Variants in PFKFB3 observed in about 807,000 individuals in gnomAD.
PFKFB3 encodes 6-phosphofructo-2-kinase/fructose-2,6-bisphosphatase 3.
A neutral mutation model predicts 68.0 loss-of-function variants in PFKFB3; 33 were observed. The observed-to-expected ratio is 0.49, with a 90% CI of 0.37 to 0.65. PFKFB3 has a LOEUF of 0.65. PFKFB3 is among the 30% of genes least tolerant of loss of function. The pLI is 0.00. For synonymous variants in PFKFB3, 315 were observed against 288.2 expected (o/e 1.09, Z -0.94); for missense variants, 586 against 712.2 (o/e 0.82, Z 2.02).
At position 6,241,672 on chromosome 10, in the gene PFKFB3, C is replaced by T. The variant is rs11257514; in HGVS notation, c.1516-12506C>T. On this transcript the variant is annotated intron_variant, in intron 14 of 14. Coordinates refer to the PFKFB3 transcript ENST00000640683. ...CATAGTGAGACCCCATCTCAACATACAAAAACTACCAGTGAAGGAGATACT... is the reference window on the plus strand; with the variant it reads ...CATAGTGAGACCCCATCTCAACATATAAAAACTACCAGTGAAGGAGATACT... 4.5e-3 allele frequency among the ~76,000 whole-genome samples: 679 copies of T among 152,254 alleles called. 2 individuals are homozygous for T. Among genetic ancestry groups the T allele is most frequent in the Non-Finnish European group, 8.0e-3 (544 of 68,020 alleles).
In PFKFB3 at chr10:6,254,128, T is replaced by G. The variant is rs1588572777; in HGVS notation, c.1516-50T>G. 1.5e-5 allele frequency: 6 copies of G among 395,100 alleles called. No homozygotes were observed. In the East Asian group the frequency reaches 2.2e-4, roughly 14 times the overall value. The allele number at this position is 395,100 out of a possible 1,614,324, so 24.5% of individuals were successfully genotyped here. A position where few individuals can be genotyped will look rare whatever the true frequency, so the allele number is the denominator to read the frequency against. On this transcript the variant is annotated intron_variant, in intron 14 of 14. Transcript: ENST00000640683. ...TTTTTTTTTTTTTCTCTTTAGCCCT[T>G]TCTGAGGTATCCACTCAATCTAATC... is the stretch of plus-strand genomic sequence containing the variant.
At chr10:6,236,069 A>T (rs1846004394), downstream of PFKFB3, among the ~76,000 whole-genome samples, 1 of 152,006 alleles carries the variant, frequency 6.6e-6, no homozygotes, top group African/African-American at 2.4e-5. Flanking sequence ...GCCTGGCCCC[A>T]CGTCGGTTTT....
At chr10:6,319,585 C>T in the PFKFB3 span, among the ~76,000 whole-genome samples, 2 of 151,886 alleles carry the variant, frequency 1.3e-5, no homozygotes, top group Non-Finnish European at 2.9e-5. Context: ...CCCTAACAGC[C>T]CAGACTTCAC....
intron 4 of PFKFB3, 81 bp downstream of exon 4, chr10:6,216,272 C>G (rs559720198): frequency 7.7e-7 from 1 of 1,304,382 alleles, no homozygotes; most frequent in African/African-American, 1.5e-5. Context: ...GTACCGAGAC[C>G]TGTGCCTCTG....
the PFKFB3 span, among the ~76,000 whole-genome samples, chr10:6,290,512 T>C: frequency 8.6e-5 from 13 of 151,354 alleles, no homozygotes; most frequent in African/African-American, 2.9e-4. Context: ...TTTTTTTTTT[T>C]TTTTGAGACA....
intron 5 of PFKFB3, 120 bp downstream of exon 5, chr10:6,216,900 G>A (rs917092517): frequency 3.9e-5 from 33 of 843,210 alleles, no homozygotes; most frequent in Non-Finnish European, 6.4e-5. Context: ...AGTCCTGCTC[G>A]GTCCCTCCCC....
chr10:6,232,762 C>G (rs1845823801), intron 14 of PFKFB3, 133 bp from the exon 15 acceptor site: 1 of 750,936 alleles, frequency 1.3e-6, no homozygotes, highest in African/African-American at 1.7e-5. Flanking sequence ...CAGCACCTTT[C>G]TTGGATCATG....
At chr10:6,222,786 G>C in intron 10 of PFKFB3, 69 bp from the exon 11 acceptor site, 1 of 1,533,456 alleles carries the variant, frequency 6.5e-7, no homozygotes, top group Non-Finnish European at 8.8e-7. Flanking sequence ...GTCTGATGCA[G>C]TCTGTGGCCA....
downstream of PFKFB3, among the ~76,000 whole-genome samples, chr10:6,255,036 C>T (rs1245887723): frequency 6.6e-6 from 1 of 151,494 alleles, no homozygotes; most frequent in Non-Finnish European, 1.5e-5. Flanking sequence ...AGGCTGGTCT[C>T]GAACTCCTGA....
At chr10:6,253,049 C>G (rs1024112764) in intron 14 of PFKFB3, among the ~76,000 whole-genome samples, 5 of 152,172 alleles carry the variant, frequency 3.3e-5, no homozygotes, top group Non-Finnish European at 5.9e-5. Flanking sequence ...TCCTGAGTAG[C>G]TGGGATTACA....
chr10:6,281,746 A>G, the PFKFB3 span, among the ~76,000 whole-genome samples: 5 of 152,148 alleles, frequency 3.3e-5, no homozygotes, highest in East Asian at 3.9e-4. Flanking sequence ...CTCTGTCTCT[A>G]TTACTTGGCA....
chr10:6,247,519 G>A (rs1281970973), intron 14 of PFKFB3, among the ~76,000 whole-genome samples: 1 of 152,180 alleles, frequency 6.6e-6, no homozygotes, highest in Non-Finnish European at 1.5e-5. Flanking sequence ...ACATCCAATC[G>A]GTTCAAGAGT....
chr10:6,224,580 A>C (rs1021877397), intron 13 of PFKFB3: 19 of 435,100 alleles, frequency 4.4e-5, no homozygotes, highest in Non-Finnish European at 8.3e-5. Flanking sequence ...TCCTGGGTTC[A>C]AGTGATCCTC....
intron 1 of PFKFB3, among the ~76,000 whole-genome samples, chr10:6,189,232 A>C (rs1308398695): frequency 6.6e-6 from 1 of 152,030 alleles, no homozygotes; most frequent in Admixed American, 6.6e-5. Context: ...TGGTTGCTTT[A>C]CCTGTTTGCT....
In PFKFB3 at chr10:6,203,310, T is replaced by C. The variant is rs1355997504; in HGVS notation, c.50T>C (p.Val17Ala). ...QSRVQKIWVP[V>A]DHRPSLPRSC... ...CGAGTGCAGAAGATCTGGGTGCCCG[T>C]GGACCACAGGCCCTCGTTGCCCAGA... The change falls in exon 1 of 15, where the codon GTG becomes GCG. Residue 17 changes from valine to alanine, a missense_variant. By Grantham distance (64) the Val-to-Ala change is moderately conservative. Transcript: ENST00000379775. The C allele has an allele frequency of 6.2e-7, 1 of 1,610,264 alleles. No homozygotes were observed.
At chr10:6,312,119 T>C in the PFKFB3 span, among the ~76,000 whole-genome samples, 1 of 151,962 alleles carries the variant, frequency 6.6e-6, no homozygotes, top group Non-Finnish European at 1.5e-5. Flanking sequence ...AGCGGGGCTG[T>C]GCTTAGCTCT....
At chr10:6,283,575 G>A in the PFKFB3 span, among the ~76,000 whole-genome samples, 1 of 4,716 alleles carries the variant, frequency 2.1e-4, no homozygotes, top group African/African-American at 3.4e-4. Context: ...TGAATGAGAG[G>A]AAAGAGCAGA....
the PFKFB3 span, among the ~76,000 whole-genome samples, chr10:6,278,182 C>T: frequency 6.6e-6 from 1 of 152,162 alleles, no homozygotes; most frequent in African/African-American, 2.4e-5. Flanking sequence ...TCCCAAAGTG[C>T]TGGGATTACA....
At chr10:6,177,947 C>T (rs1469027118) in intron 1 of PFKFB3, among the ~76,000 whole-genome samples, 2 of 152,026 alleles carry the variant, frequency 1.3e-5, no homozygotes, top group Non-Finnish European at 2.9e-5. Context: ...GGGGTGGACA[C>T]GTGGGTGTGA....
Sources: allele counts gnomAD v4.1 joint callset (sites outside exome capture counted in the v4.1 genomes callset), GRCh38; gene constraint gnomAD v4.1.1; transcripts MANE v1.5; gene names NCBI Gene and HGNC (gene_info 2026-07-23, HGNC 2026-07-21).